Variants in ABHD5 observed in about 807,000 individuals in gnomAD.
ABHD5 encodes abhydrolase domain containing 5, lysophosphatidic acid acyltransferase.
Under a neutral mutation model 44.9 loss-of-function variants are expected in ABHD5, and 30 were observed. That is an observed-to-expected ratio of 0.67 (90% CI 0.50 to 0.91). The LOEUF is 0.91. Among genes scored for constraint, ABHD5 ranks in the 40% least tolerant of loss-of-function variants. The pLI is 0.00. For missense variants in ABHD5, 399 were observed against 423.4 expected, an observed-to-expected ratio of 0.94 and a Z score of 0.50; for synonymous variants, 167 against 147.0, an observed-to-expected ratio of 1.14 and a Z score of -0.99.
chr3:43,705,871 AC>A (rs1184177263), intron 3 of ABHD5, among the ~76,000 whole-genome samples: 7 of 152,118 alleles, frequency 4.6e-5, no homozygotes, highest in African/African-American at 1.7e-4. Context: ...ATATTTGTTA[AC>A]TTTTTATTAA....
Position 43,702,406 on chromosome 3 carries a change from C to T in ABHD5, c.325C>T (p.Leu109=). 1 of 1,614,178 alleles carries T rather than the reference C, an allele frequency of 6.2e-7. No homozygotes were observed. The highest frequency in any genetic ancestry group is 1.1e-5 in the South Asian group (1 of 91,086). ...CAACAGACCTGTCTATGCTTTTGAC[C>T]TATTGGGTTTTGGACGAAGTAGTAG... ...CTNRPVYAFD[L]LGFGRSSRPR... is the part of the protein sequence containing the mutation. Residue 109 remains leucine (L), a synonymous_variant, in exon 3 of 7, where the codon CTA becomes TTA. Transcript: ENST00000644371.
intron 7 of ABHD5, among the ~76,000 whole-genome samples, chr3:43,731,957 A>G (rs377179221): frequency 1.3e-5 from 2 of 152,208 alleles, no homozygotes; most frequent in African/African-American, 2.4e-5. Flanking sequence ...TGCACAGCTC[A>G]TGTGCCCAGG....
At chr3:43,730,499 C>CTTT (rs68058215) in intron 7 of ABHD5, among the ~76,000 whole-genome samples, 44 of 68,958 alleles carry the variant, frequency 6.4e-4, no homozygotes, top group African/African-American at 1.2e-3. Context: ...AAAATAATCC[C>CTTT]TTTTTTTTTT....
downstream of ABHD5, among the ~76,000 whole-genome samples, chr3:43,727,193 C>T (rs1452084780): frequency 6.6e-6 from 1 of 152,182 alleles, no homozygotes; most frequent in African/African-American, 2.4e-5. Context: ...GTTGCCTTCC[C>T]TCAGACTGAA....
chr3:43,726,701 G>T (rs767715330), downstream of ABHD5, among the ~76,000 whole-genome samples: 1 of 152,224 alleles, frequency 6.6e-6, no homozygotes, highest in Non-Finnish European at 1.5e-5. Flanking sequence ...ATGAGATGTG[G>T]ATTGTGCCAA....
downstream of ABHD5, among the ~76,000 whole-genome samples, chr3:43,723,952 A>G (rs1197635969): frequency 6.6e-6 from 1 of 152,202 alleles, no homozygotes; most frequent in African/African-American, 2.4e-5. Context: ...TACCTTTAGG[A>G]GTACATAGTG....
At chr3:43,723,960 G>C (rs1460724576), downstream of ABHD5, among the ~76,000 whole-genome samples, 1 of 152,148 alleles carries the variant, frequency 6.6e-6, no homozygotes, top group Non-Finnish European at 1.5e-5. Context: ...GGAGTACATA[G>C]TGTAGTATTC....
intron 1 of ABHD5, chr3:43,691,254 G>C (rs2084373587): frequency 2.4e-6 from 1 of 414,088 alleles, no homozygotes; most frequent in South Asian, 1.0e-4. Flanking sequence ...GGGGCCCCGA[G>C]GTGTCTGAGC....
downstream of ABHD5, among the ~76,000 whole-genome samples, chr3:43,725,585 T>G (rs2084871806): frequency 6.6e-6 from 1 of 152,256 alleles, no homozygotes; most frequent in African/African-American, 2.4e-5. Flanking sequence ...TTTGAAAATT[T>G]AGAATAACCC....
At chr3:43,711,380 A>G (rs2084686669) in intron 3 of ABHD5, among the ~76,000 whole-genome samples, 1 of 152,212 alleles carries the variant, frequency 6.6e-6, no homozygotes, top group Non-Finnish European at 1.5e-5. Flanking sequence ...AGTGATCTAC[A>G]TCATCTGCCA....
intron 5 of ABHD5, among the ~76,000 whole-genome samples, chr3:43,716,737 T>G (rs2084767922): frequency 6.6e-6 from 1 of 152,210 alleles, no homozygotes; most frequent in Admixed American, 6.5e-5. Context: ...TCATTCATTT[T>G]CCTGCATGGC....
chr3:43,701,217 G>A (rs1156500228), intron 2 of ABHD5, among the ~76,000 whole-genome samples: 1 of 152,158 alleles, frequency 6.6e-6, no homozygotes, highest in East Asian at 1.9e-4. Context: ...GTTTGGCTTG[G>A]CACTTAAGCC....
At chr3:43,703,384 C>T (rs201562285) in intron 3 of ABHD5, among the ~76,000 whole-genome samples, 1 of 151,868 alleles carries the variant, frequency 6.6e-6, no homozygotes, top group Non-Finnish European at 1.5e-5. Context: ...TCGCCATGTT[C>T]GCCAGGCTGG....
Position 43,699,332 on chromosome 3 carries a change from TTA to T in ABHD5, c.105_106del (p.Lys36ArgfsTer3). On this transcript the variant is annotated frameshift_variant, in exon 2 of 7. Transcript: ENST00000644371. LOFTEE classifies it high-confidence loss of function. ...TGGTGCCCTACGTCTATATCACACC[TTA>T]AAGAAGCTGAAGAGAAGATGTTAAA... The T allele has an allele frequency of 6.2e-7, 1 of 1,613,990 alleles. No homozygotes were observed. The highest frequency in any genetic ancestry group is 8.5e-7 in the Non-Finnish European group (1 of 1,179,872).
chr3:43,728,489 G>C (rs533314586), intron 7 of ABHD5, among the ~76,000 whole-genome samples: 1 of 152,296 alleles, frequency 6.6e-6, no homozygotes, highest in South Asian at 2.1e-4. Context: ...AAGAGGTGAT[G>C]TTCCTGATAT....
Position 43,699,282 on chromosome 3 carries a change from A to G in ABHD5, c.54A>G (p.Gly18=). 6.2e-7 allele frequency: 1 copy of G among 1,613,906 alleles called. No homozygotes were observed. Among genetic ancestry groups the G allele is most frequent in the Non-Finnish European group, 8.5e-7 (1 of 1,179,802 alleles). The change falls in exon 2 of 7, where the codon GGA becomes GGG. Residue 18 remains glycine (G), a synonymous_variant. Coordinates refer to ENST00000644371, the MANE Select transcript of ABHD5 (RefSeq NM_016006.6). ...VDSADTGERS[G]WLTGWLPTWC... ...TTTGTTTTTGGTGCTCTAGGTCAGGATGGCTAACTGGTTGGCTCCCCACAT... is the reference window on the plus strand; with the variant it reads ...TTTGTTTTTGGTGCTCTAGGTCAGGGTGGCTAACTGGTTGGCTCCCCACAT...
intron 4 of ABHD5, among the ~76,000 whole-genome samples, chr3:43,714,651 A>G (rs2084737404): frequency 6.6e-6 from 1 of 152,216 alleles, no homozygotes; most frequent in Non-Finnish European, 1.5e-5. Flanking sequence ...CGTTTAAAGA[A>G]TTTATTTACC....
At chr3:43,727,909 G>A (rs78131311) in intron 7 of ABHD5, among the ~76,000 whole-genome samples, 3,542 of 152,240 alleles carry the variant, frequency 0.023, 64 homozygotes, top group South Asian at 0.092. Flanking sequence ...GCACCTGGCC[G>A]TATTTGTACT....
Position 43,714,140 on chromosome 3 carries a change from T to A in ABHD5, c.662-807T>A, listed in dbSNP as rs183788599. On this transcript the variant is annotated intron_variant, in intron 4 of 6. Coordinates refer to ENST00000644371, the MANE Select transcript of ABHD5 (RefSeq NM_016006.6). ...TTCTTTCTTTCTTTCTTTTTTTCTT[T>A]TTTTTTTTTTTTGAGACGGAGTCTC... Among the ~76,000 whole-genome samples, 4 of 147,068 alleles carry A rather than the reference T, an allele frequency of 2.7e-5. No homozygotes were observed. The East Asian group carries it at 8.9e-4, about 33-fold the overall frequency.
Sources: gnomAD v4.1 joint callset for allele counts (sites outside exome capture counted in the v4.1 genomes callset) on GRCh38, gnomAD v4.1.1 for gene constraint, MANE v1.5 for transcripts, NCBI Gene and HGNC (gene_info 2026-07-23, HGNC 2026-07-21) for gene names.